The following DSCAM variants were observed in gnomAD, a reference collection of about 807,000 sequenced individuals.
DSCAM encodes DS cell adhesion molecule.
In DSCAM, 47 loss-of-function variants were observed where a neutral mutation model predicts 217.7. That is an observed-to-expected ratio of 0.22 (90% CI 0.17 to 0.28). The LOEUF (loss-of-function observed/expected upper bound fraction) is 0.28, where lower values mean the gene tolerates loss of function less well. DSCAM is among the 10% of genes least tolerant of loss of function. The pLI is 1.00. For synonymous variants in DSCAM, 1,056 were observed against 1,015.3 expected, an observed-to-expected ratio of 1.04 and a Z score of -0.76; for missense variants, 2,080 against 2,618.3, an observed-to-expected ratio of 0.79 and a Z score of 4.49.
intron 3 of DSCAM, among the ~76,000 whole-genome samples, chr21:40,436,183 AT>A (rs1231437142): frequency 6.6e-6 from 1 of 152,206 alleles, no homozygotes; most frequent in African/African-American, 2.4e-5. Flanking sequence ...ACTGTGGAAT[AT>A]TTTTAACATA....
At chr21:40,646,434 G>A (rs1018412034) in intron 3 of DSCAM, among the ~76,000 whole-genome samples, 1 of 150,198 alleles carries the variant, frequency 6.7e-6, no homozygotes. Context: ...AAAAAGGGGG[G>A]CTGTTCACCT....
chr21:40,048,537 C>T (rs1240985075), intron 30 of DSCAM, among the ~76,000 whole-genome samples: 1 of 152,182 alleles, frequency 6.6e-6, no homozygotes, highest in Non-Finnish European at 1.5e-5. Context: ...GAATCTGTTG[C>T]AACCCTCTGG....
chr21:40,774,691 T>A (rs892533512), intron 1 of DSCAM, among the ~76,000 whole-genome samples: 1 of 152,084 alleles, frequency 6.6e-6, no homozygotes, highest in African/African-American at 2.4e-5. Flanking sequence ...TAGACATAAA[T>A]AAGTCATGTT....
At chr21:40,301,289 C>T (rs540487393) in intron 9 of DSCAM, among the ~76,000 whole-genome samples, 77 of 152,304 alleles carry the variant, frequency 5.1e-4, no homozygotes, top group Admixed American at 3.9e-3. Flanking sequence ...TCCCATGGCC[C>T]TTTGGTATAA....
chr21:40,233,804 T>C (rs931972681), intron 11 of DSCAM, among the ~76,000 whole-genome samples: 2 of 152,208 alleles, frequency 1.3e-5, no homozygotes, highest in African/African-American at 2.4e-5. Flanking sequence ...CAATAACTCA[T>C]AGCAATTCCA....
At chr21:40,652,924 T>C (rs1443174109) in intron 3 of DSCAM, among the ~76,000 whole-genome samples, 8 of 152,128 alleles carry the variant, frequency 5.3e-5, no homozygotes, top group Non-Finnish European at 1.2e-4. Context: ...AGGTAAGTCA[T>C]CTGAGCACTC....
intron 11 of DSCAM, among the ~76,000 whole-genome samples, chr21:40,248,248 C>T (rs2073253646): frequency 6.6e-6 from 1 of 152,214 alleles, no homozygotes. Flanking sequence ...ACATTTGGCT[C>T]CTTGTTACTT....
At chr21:40,489,267 A>G (rs985911269) in intron 3 of DSCAM, among the ~76,000 whole-genome samples, 3 of 152,142 alleles carry the variant, frequency 2.0e-5, no homozygotes, top group African/African-American at 7.2e-5. Context: ...CCTAAATGGA[A>G]CAGGAAACTG....
At chr21:40,425,908 A>T (rs2075470453) in intron 3 of DSCAM, among the ~76,000 whole-genome samples, 1 of 152,228 alleles carries the variant, frequency 6.6e-6, no homozygotes, top group Non-Finnish European at 1.5e-5. Context: ...AACTATGTAT[A>T]TATGGATATC....
chr21:40,236,646 A>G (rs2073083554), intron 11 of DSCAM, among the ~76,000 whole-genome samples: 1 of 152,194 alleles, frequency 6.6e-6, no homozygotes, highest in Admixed American at 6.5e-5. Context: ...GGGTCAACTG[A>G]GCCCTAGGCA....
chr21:40,684,936 C>A (rs563845238), intron 3 of DSCAM, among the ~76,000 whole-genome samples: 2 of 152,064 alleles, frequency 1.3e-5, no homozygotes, highest in Non-Finnish European at 2.9e-5. Flanking sequence ...CCAAACATCA[C>A]GGGGAGAGAG....
At chr21:40,621,243 CAAAA>C in intron 3 of DSCAM, 1 of 152,034 alleles carries the variant, frequency 6.6e-6, no homozygotes, top group Admixed American at 6.5e-5. Flanking sequence ...AAAAAACAAA[CAAAA>C]AAACTACCGT....
intron 10 of DSCAM, among the ~76,000 whole-genome samples, chr21:40,282,775 T>C (rs1487633394): frequency 1.3e-5 from 2 of 152,110 alleles, no homozygotes; most frequent in African/African-American, 4.8e-5. Flanking sequence ...AGAAAAATGC[T>C]TGTAATTGTT....
intron 3 of DSCAM, among the ~76,000 whole-genome samples, chr21:40,591,472 G>C (rs1445892357): frequency 6.6e-6 from 1 of 152,124 alleles, no homozygotes; most frequent in Non-Finnish European, 1.5e-5. Context: ...TTCGATATAA[G>C]TAAAGAGGAA....
intron 3 of DSCAM, among the ~76,000 whole-genome samples, chr21:40,446,604 G>A (rs778211620): frequency 4.6e-5 from 7 of 152,172 alleles, no homozygotes; most frequent in African/African-American, 7.2e-5. Context: ...AAAAGCAAAT[G>A]TGTTTAGTGT....
chr21:40,364,127 T>G (rs936807457), intron 4 of DSCAM, among the ~76,000 whole-genome samples: 1 of 152,186 alleles, frequency 6.6e-6, no homozygotes, highest in South Asian at 2.1e-4. Flanking sequence ...TGGCGATTCC[T>G]CAGGGATCGA....
Position 40,339,333 on chromosome 21 carries a change from C to T in DSCAM, c.1293G>A (p.Lys431=), listed in dbSNP as rs140200351. Residue 431 remains lysine, a synonymous_variant, in exon 7 of 33, where the codon AAG becomes AAA. Transcript: ENST00000400454. ...AEPVSLMCNV[K]GTPLPTITWT... ...ACGTGATCGTGGGCAAAGGTGTTCC[C>T]TTCACGTTGCACATAAGGGAAACCG... The T allele has an allele frequency of 1.2e-6, 2 of 1,614,112 alleles. No individual in the cohort carries two copies. The highest frequency in any genetic ancestry group is 2.2e-5 in the East Asian group (1 of 44,852).
At chr21:40,329,487 G>T (rs578031431) in intron 8 of DSCAM, among the ~76,000 whole-genome samples, 3 of 151,900 alleles carry the variant, frequency 2.0e-5, no homozygotes, top group Admixed American at 6.6e-5. Context: ...AGTGGTGCAC[G>T]CCTGTAGTCC....
intron 8 of DSCAM, among the ~76,000 whole-genome samples, chr21:40,325,877 T>A (rs940901742): frequency 6.6e-6 from 1 of 152,134 alleles, no homozygotes; most frequent in Non-Finnish European, 1.5e-5. Context: ...TTAAATTCTA[T>A]GACCTAACAA....
Sources: allele counts gnomAD v4.1 joint callset (sites outside exome capture counted in the v4.1 genomes callset), GRCh38; gene constraint gnomAD v4.1.1; transcripts MANE v1.5; gene names NCBI Gene and HGNC (gene_info 2026-07-23, HGNC 2026-07-21).